DLG2: variants seen among roughly 807,000 people sequenced by gnomAD.
The protein encoded by DLG2 is disks large homolog 2.
Under a neutral mutation model 132.5 loss-of-function variants are expected in DLG2, and 45 were observed. The observed-to-expected ratio is 0.34, with a 90% CI of 0.27 to 0.44. The LOEUF (loss-of-function observed/expected upper bound fraction) is 0.44, where lower values mean the gene tolerates loss of function less well. DLG2 is among the 20% of genes least tolerant of loss of function. The pLI is 1.00. For missense variants in DLG2, 1,045 were observed against 1,196.9 expected, an observed-to-expected ratio of 0.87 and a Z score of 1.87; for synonymous variants, 424 against 419.6, an observed-to-expected ratio of 1.01 and a Z score of -0.13.
At chr11:84,725,609 C>T (rs963912446) in intron 6 of DLG2, among the ~76,000 whole-genome samples, 3 of 152,110 alleles carry the variant, frequency 2.0e-5, no homozygotes, top group African/African-American at 2.4e-5. Context: ...CTCTTCCTAA[C>T]AGTAACAAAG....
At chr11:85,507,006 G>C (rs1204914563) in intron 3 of DLG2, among the ~76,000 whole-genome samples, 1 of 152,164 alleles carries the variant, frequency 6.6e-6, no homozygotes, top group African/African-American at 2.4e-5. Flanking sequence ...TTGGTTTAAA[G>C]TCTGTTTTAT....
chr11:84,232,500 T>A (rs898767054), intron 8 of DLG2, among the ~76,000 whole-genome samples: 3 of 152,178 alleles, frequency 2.0e-5, no homozygotes, highest in African/African-American at 4.8e-5. Flanking sequence ...ATTCATATAC[T>A]GAAATCCTAA....
Position 83,960,849 on chromosome 11 carries a change from T to G in DLG2, c.1340+2036A>C, listed in dbSNP as rs566563476. On this transcript the variant is annotated intron_variant, in intron 14 of 27. Coordinates refer to ENST00000376104, the MANE Select transcript of DLG2 (RefSeq NM_001142699.3). ...GAGAACACCAACAATGGTAAGAGAG[T>G]GGTGGAGGGGTGTGTATGTGTATGT... is the stretch of plus-strand genomic sequence containing the variant. 1.9e-4 allele frequency among the ~76,000 whole-genome samples: 29 copies of G among 151,426 alleles called. No individual in the cohort carries two copies. In the Middle Eastern group the frequency reaches 0.017, roughly 89 times the overall value.
intron 12 of DLG2, among the ~76,000 whole-genome samples, chr11:83,973,314 T>C (rs1309050914): frequency 6.6e-6 from 1 of 152,086 alleles, no homozygotes; most frequent in African/African-American, 2.4e-5. Flanking sequence ...GCTATTACAC[T>C]GAGTATAAGC....
At chr11:84,797,230 G>A (rs1424881616) in intron 6 of DLG2, among the ~76,000 whole-genome samples, 1 of 152,060 alleles carries the variant, frequency 6.6e-6, no homozygotes, top group African/African-American at 2.4e-5. Context: ...AATCTGCTTG[G>A]TATTCTGTAA....
At chr11:83,524,858 C>T (rs17521492) in intron 21 of DLG2, among the ~76,000 whole-genome samples, 2,866 of 152,198 alleles carry the variant, frequency 0.019, 55 homozygotes, top group African/African-American at 0.047. Context: ...TCATTTTGAA[C>T]GATATCTCTT....
chr11:84,857,103 C>T (rs541862300), intron 6 of DLG2, among the ~76,000 whole-genome samples: 30 of 150,854 alleles, frequency 2.0e-4, no homozygotes, highest in African/African-American at 7.0e-4. Context: ...AATAAAAATA[C>T]CAACTTTTCT....
At chr11:83,571,063 G>A (rs1240092012) in intron 19 of DLG2, among the ~76,000 whole-genome samples, 9 of 151,966 alleles carry the variant, frequency 5.9e-5, no homozygotes, top group Admixed American at 5.2e-4. Context: ...TGTATTTTTA[G>A]TAGAGACAGG....
chr11:85,043,688 C>T (rs115648623), intron 6 of DLG2, among the ~76,000 whole-genome samples: 2,989 of 151,802 alleles, frequency 0.02, 114 homozygotes, highest in African/African-American at 0.069. Context: ...GAAGAAATGA[C>T]AGAAAAATTG....
chr11:84,934,305 T>C (rs2048427967), intron 6 of DLG2, among the ~76,000 whole-genome samples: 1 of 152,026 alleles, frequency 6.6e-6, no homozygotes, highest in Non-Finnish European at 1.5e-5. Context: ...TGCATCAATG[T>C]TCATCAAGAA....
upstream of DLG2, chr11:85,628,025 G>A (rs2082111547): frequency 6.5e-6 from 1 of 152,712 alleles, no homozygotes; most frequent in African/African-American, 2.4e-5. Flanking sequence ...TTTCTCTCCG[G>A]TCTCTTTCCA....
chr11:85,387,874 T>A (rs1252456457), intron 3 of DLG2, among the ~76,000 whole-genome samples: 1 of 152,098 alleles, frequency 6.6e-6, no homozygotes, highest in Non-Finnish European at 1.5e-5. Context: ...AGAGCAGCAT[T>A]TGGAAACCCA....
intron 27 of DLG2, 149 bp downstream of exon 27, chr11:83,461,853 A>AG (rs2090092574): frequency 3.3e-6 from 2 of 600,238 alleles, no homozygotes; most frequent in Admixed American, 2.7e-5. Context: ...GGTGAAGCAG[A>AG]GGGATACTCC....
At chr11:85,377,733 A>G (rs930868040) in intron 3 of DLG2, among the ~76,000 whole-genome samples, 5 of 150,924 alleles carry the variant, frequency 3.3e-5, no homozygotes, top group Non-Finnish European at 7.4e-5. Flanking sequence ...AACTTGAATA[A>G]CAATACCATG....
chr11:85,396,364 C>T (rs1229206967), intron 3 of DLG2, among the ~76,000 whole-genome samples: 3 of 152,146 alleles, frequency 2.0e-5, no homozygotes, highest in Non-Finnish European at 4.4e-5. Context: ...GAGAGCACCT[C>T]TTTTCCTCCA....
intron 10 of DLG2, among the ~76,000 whole-genome samples, chr11:84,097,682 CTTTA>C (rs1409946498): frequency 6.6e-6 from 1 of 152,116 alleles, no homozygotes; most frequent in Non-Finnish European, 1.5e-5. Flanking sequence ...CTCTTCTCCA[CTTTA>C]TTTATTTACT....
At chr11:85,004,487 T>C (rs1467624628) in intron 6 of DLG2, among the ~76,000 whole-genome samples, 1 of 152,246 alleles carries the variant, frequency 6.6e-6, no homozygotes, top group Admixed American at 6.5e-5. Context: ...TGGGCTTTTT[T>C]TCGTATGTTT....
At chr11:85,357,238 TTGTGTGTG>T (rs71036472) in intron 3 of DLG2, among the ~76,000 whole-genome samples, 3,280 of 118,152 alleles carry the variant, frequency 0.028, 114 homozygotes, top group African/African-American at 0.081. Context: ...AATATCCTCT[TTGTGTGTG>T]TGTGTGTGTG....
At chr11:84,965,679 C>A (rs192697958) in intron 6 of DLG2, among the ~76,000 whole-genome samples, 102 of 152,154 alleles carry the variant, frequency 6.7e-4, no homozygotes, top group African/African-American at 2.3e-3. Flanking sequence ...GCATTCCATT[C>A]CACAGACAGC....
Sources: allele counts gnomAD v4.1 joint callset (sites outside exome capture counted in the v4.1 genomes callset), GRCh38; gene constraint gnomAD v4.1.1; transcripts MANE v1.5; gene names NCBI Gene and HGNC (gene_info 2026-07-23, HGNC 2026-07-21).